The following PWWP2A variants were observed in gnomAD, a reference collection of about 807,000 sequenced individuals.
The protein encoded by PWWP2A is PWWP domain-containing protein 2A.
Under a neutral mutation model 48.5 loss-of-function variants are expected in PWWP2A, and 18 were observed. The ratio of observed to expected loss-of-function variants is 0.37; its 90% confidence interval spans 0.26 to 0.55. The LOEUF is 0.55. Among genes scored for constraint, PWWP2A ranks in the 20% least tolerant of loss-of-function variants. The probability of loss-of-function intolerance (pLI) is 0.81; values close to 1 mark genes in which losing one functional copy is unlikely to be tolerated. For missense variants in PWWP2A, 867 were observed against 976.4 expected (o/e 0.89, Z 1.49); for synonymous variants, 396 against 387.7 (o/e 1.02, Z -0.25).
chr5:160,109,808 TAA>T (rs1187507269), intron 1 of PWWP2A, among the ~76,000 whole-genome samples: 11 of 106,986 alleles, frequency 1.0e-4, no homozygotes, highest in East Asian at 2.6e-4. Flanking sequence ...TATATATATA[TAA>T]AATAATATAA....
At chr5:160,115,431 C>G (rs1410141035) in intron 1 of PWWP2A, among the ~76,000 whole-genome samples, 2 of 151,928 alleles carry the variant, frequency 1.3e-5, no homozygotes, top group Non-Finnish European at 2.9e-5. Context: ...GTGGCTCATG[C>G]CCATAATCCC....
intron 1 of PWWP2A, among the ~76,000 whole-genome samples, chr5:160,109,784 T>TATATATATATATATAAAATAATATAATA (rs1757323780): frequency 9.8e-6 from 1 of 101,652 alleles, no homozygotes. Context: ...AATATATATA[T>TATATATATATATATAAAATAATATAATA]ATATATATAT....
intron 2 of PWWP2A, among the ~76,000 whole-genome samples, chr5:160,086,336 T>C (rs921988191): frequency 2.0e-5 from 3 of 151,510 alleles, no homozygotes; most frequent in East Asian, 1.9e-4. Flanking sequence ...CTGGGCAACA[T>C]AGTGTGACCC....
the PWWP2A span, among the ~76,000 whole-genome samples, chr5:160,053,015 C>G: frequency 6.6e-6 from 1 of 152,136 alleles, no homozygotes; most frequent in African/African-American, 2.4e-5. Flanking sequence ...AGATACTGCT[C>G]TAGGTGTTAC....
rs768033218 is a variant in PWWP2A, at chr5:160,093,827, G to C, written c.823C>G (p.Pro275Ala). The change falls in exon 2 of 2, where the codon CCT becomes GCT. Residue 275 changes from proline (P) to alanine (A), a missense_variant. Physicochemically the swap from Pro to Ala is conservative, Grantham distance 27 (BLOSUM62 -1). Coordinates refer to ENST00000307063, the MANE Select transcript of PWWP2A (RefSeq NM_001130864.2). This position sits in a 1 kb window ranked among gnomAD's most constrained non-coding sequence, Gnocchi z 5.8. ...LFHEGAPYPP[P>A]LFIRDTYNQS... ...TTATATGTGTCCCTGATAAACAAAG[G>C]GGGAGGATAAGGTGCTCCTTCATGG... 2 of 1,614,020 alleles carry C rather than the reference G, an allele frequency of 1.2e-6. No individual in the cohort carries two copies. The highest frequency in any genetic ancestry group is 1.3e-5 in the African/African-American group (1 of 75,040).
exon 4 of PWWP2A, chr5:160,076,464 T>G (rs1182161466): frequency 6.6e-6 from 1 of 152,238 alleles, no homozygotes; most frequent in Non-Finnish European, 1.5e-5. Flanking sequence ...GTATAGTTCA[T>G]GTCATCTTTA....
chr5:160,051,254 G>A, the PWWP2A span: 1 of 1,252,300 alleles, frequency 8.0e-7, no homozygotes, highest in Non-Finnish European at 1.1e-6. Context: ...GCGAATACTA[G>A]AGGAGAACAC....
intron 1 of PWWP2A, among the ~76,000 whole-genome samples, chr5:160,097,298 T>C (rs542768369): frequency 7.6e-6 from 1 of 131,874 alleles, no homozygotes; most frequent in Non-Finnish European, 1.5e-5. Context: ...GTTCGCGCTA[T>C]CGCACTCCAG....
intron 4 of PWWP2A, among the ~76,000 whole-genome samples, chr5:160,066,018 A>C (rs76059656): frequency 0.012 from 1,822 of 152,282 alleles, 31 homozygotes; most frequent in African/African-American, 0.04. Flanking sequence ...TAAATTACAC[A>C]TATAATTCTG....
chr5:160,086,461 G>A (rs748214899), downstream of PWWP2A, among the ~76,000 whole-genome samples: 19 of 152,318 alleles, frequency 1.2e-4, no homozygotes, highest in Non-Finnish European at 1.9e-4. Context: ...AGGCTGCAGT[G>A]AGTCATGATT....
chr5:160,061,459 G>GTA (rs1368622749), downstream of PWWP2A, among the ~76,000 whole-genome samples: 1 of 152,208 alleles, frequency 6.6e-6, no homozygotes, highest in Non-Finnish European at 1.5e-5. Flanking sequence ...ACCATGTCAT[G>GTA]TATCTTTGCA....
At chr5:160,057,375 A>T (rs765266054), downstream of PWWP2A, among the ~76,000 whole-genome samples, 34 of 152,150 alleles carry the variant, frequency 2.2e-4, no homozygotes, top group Non-Finnish European at 4.0e-4. The surrounding 1 kb of genome is among the most constrained non-coding windows in gnomAD (Gnocchi z 4.4). Context: ...ATAATACTGT[A>T]GTCTACTAAG....
chr5:160,067,476 T>G (rs1005427976), intron 2 of PWWP2A, among the ~76,000 whole-genome samples: 6 of 152,112 alleles, frequency 3.9e-5, no homozygotes, highest in Non-Finnish European at 8.8e-5. Context: ...CTCCAAGGAA[T>G]AGGAAATAGA....
chr5:160,103,748 G>A (rs1021803278), intron 1 of PWWP2A, among the ~76,000 whole-genome samples: 7 of 152,148 alleles, frequency 4.6e-5, no homozygotes, highest in African/African-American at 1.7e-4. Flanking sequence ...AGAAAAAGAG[G>A]AGGGCATGTT....
At chr5:160,046,809 T>G in the PWWP2A span, among the ~76,000 whole-genome samples, 4 of 152,116 alleles carry the variant, frequency 2.6e-5, no homozygotes, top group African/African-American at 7.2e-5. Context: ...GTCAGGAGTT[T>G]GAGACCAGCC....
intron 2 of PWWP2A, among the ~76,000 whole-genome samples, chr5:160,069,846 T>G (rs971575567): frequency 3.9e-5 from 6 of 152,246 alleles, no homozygotes; most frequent in Non-Finnish European, 5.9e-5. Context: ...TTTCATTTTT[T>G]GCATCTTGGA....
In PWWP2A at chr5:160,118,949, G is replaced by A. The variant is rs748229762; in HGVS notation, c.440C>T (p.Ala147Val). Residue 147 changes from alanine to valine, a missense_variant, in exon 1 of 2, where the codon GCG (alanine) becomes GTG (valine). By Grantham distance (64) the Ala-to-Val change is moderately conservative. Around this residue, in one of 4 missense-constraint regions of PWWP2A, gnomAD observed 385 missense variants for 396.9 expected, o/e 0.97. Coordinates refer to ENST00000307063, the MANE Select transcript of PWWP2A (RefSeq NM_001130864.2). Reference sequence around the variant, plus strand: ...TTGCGACACCGTGGAGTCCCCGCCCGCCGGCGGCACGAGCGCCGGGGCTAC... The same window carrying A: ...TTGCGACACCGTGGAGTCCCCGCCCACCGGCGGCACGAGCGCCGGGGCTAC... Reference protein sequence around the residue: ...QPVAPALVPPAGGDSTVSQLI... With the variant: ...QPVAPALVPPVGGDSTVSQLI... The A allele has an allele frequency of 3.8e-6, 6 of 1,598,558 alleles. No individual in the cohort carries two copies. Among genetic ancestry groups the A allele is most frequent in the Admixed American group, 1.7e-5 (1 of 58,674 alleles).
chr5:160,074,439 A>AG (rs1753818715), downstream of PWWP2A, among the ~76,000 whole-genome samples: 1 of 150,494 alleles, frequency 6.6e-6, no homozygotes, highest in South Asian at 2.1e-4. Context: ...AATCTGTCTC[A>AG]AAAAAATAAA....
At chr5:160,094,774 G>A (rs1311799745) in intron 1 of PWWP2A, among the ~76,000 whole-genome samples, 3 of 152,018 alleles carry the variant, frequency 2.0e-5, no homozygotes, top group African/African-American at 4.8e-5. Flanking sequence ...TGGGCCGGGT[G>A]CAGTGGCTCA....
Sources: gnomAD v4.1 joint callset for allele counts (sites outside exome capture counted in the v4.1 genomes callset) on GRCh38, gnomAD v4.1.1 for gene constraint, gnomAD v4.1.1 regional missense constraint, Gnocchi (gnomAD v3.1) non-coding constraint, MANE v1.5 for transcripts, NCBI Gene and HGNC (gene_info 2026-07-23, HGNC 2026-07-21) for gene names.